The following FRMD6 variants were observed in gnomAD, a reference collection of about 807,000 sequenced individuals.
FRMD6 encodes the protein FERM domain containing 6, also known as FERM domain-containing protein 6.
A neutral mutation model predicts 73.2 loss-of-function variants in FRMD6; 37 were observed. That is an observed-to-expected ratio of 0.51 (90% CI 0.39 to 0.66). The LOEUF (loss-of-function observed/expected upper bound fraction) is 0.66. Ranked by LOEUF, FRMD6 falls within the 30% of genes least tolerant of loss-of-function variation. The pLI, the probability that FRMD6 is intolerant of heterozygous loss-of-function variation, is 0.00. For synonymous variants in FRMD6, 273 were observed against 282.2 expected (o/e 0.97, Z 0.33); for missense variants, 714 against 780.5 (o/e 0.91, Z 1.02).
chr14:51,707,555 T>C (rs1594765176), intron 6 of FRMD6, among the ~76,000 whole-genome samples: 2 of 152,172 alleles, frequency 1.3e-5, no homozygotes, highest in Non-Finnish European at 2.9e-5. Flanking sequence ...ATTCCAGCAG[T>C]GTTCATATCA....
At chr14:51,464,325 C>A in the FRMD6 span, among the ~76,000 whole-genome samples, 61 of 151,908 alleles carry the variant, frequency 4.0e-4, no homozygotes, top group Non-Finnish European at 7.6e-4. Flanking sequence ...AGCAAACCAC[C>A]ATGGCACACA....
At chr14:51,565,560 G>GGGTGAT (rs1240590771) in intron 1 of FRMD6, 2 of 152,306 alleles carry the variant, frequency 1.3e-5, no homozygotes, top group Non-Finnish European at 2.9e-5. Flanking sequence ...TTTTTGATGG[G>GGGTGAT]GGTGATGGTG....
At chr14:51,650,955 C>T (rs1337976619), upstream of FRMD6, 2 of 152,316 alleles carry the variant, frequency 1.3e-5, no homozygotes, top group Admixed American at 6.5e-5. Flanking sequence ...GGTGTCTCTC[C>T]TTTCGTGTGC....
At chr14:51,423,606 G>A in the FRMD6 span, among the ~76,000 whole-genome samples, 3,315 of 152,134 alleles carry the variant, frequency 0.022, 133 homozygotes, top group African/African-American at 0.076. Context: ...AAACTCCCCT[G>A]TCCCATACTC....
chr14:51,572,872 A>G (rs1888204907), intron 2 of FRMD6, among the ~76,000 whole-genome samples: 1 of 152,198 alleles, frequency 6.6e-6, no homozygotes, highest in East Asian at 1.9e-4. Context: ...TTCTATTTCA[A>G]TACATATGTG....
At chr14:51,651,855 TG>T (rs1375106262), upstream of FRMD6, 1 of 3,764 alleles carries the variant, frequency 2.7e-4, no homozygotes, top group Non-Finnish European at 5.9e-4. Flanking sequence ...GAGGCGTGGG[TG>T]GGGGGCGGGG....
intron 10 of FRMD6, among the ~76,000 whole-genome samples, chr14:51,718,184 C>T (rs1206598385): frequency 6.6e-6 from 1 of 152,122 alleles, no homozygotes; most frequent in East Asian, 1.9e-4. Context: ...TCCTAAATGT[C>T]TGGAAAGGGT....
upstream of FRMD6, chr14:51,650,620 C>T (rs1001468827): frequency 5.3e-5 from 8 of 151,766 alleles, no homozygotes; most frequent in African/African-American, 1.9e-4. Context: ...TGGTCTCGAT[C>T]TCCTGACCTC....
intron 1 of FRMD6, among the ~76,000 whole-genome samples, chr14:51,666,894 G>A (rs1893634647): frequency 6.6e-6 from 1 of 152,206 alleles, no homozygotes; most frequent in East Asian, 1.9e-4. Flanking sequence ...CAACACCTCA[G>A]GAGGCTGAGG....
chr14:51,629,547 A>AT (rs1416700294), intron 2 of FRMD6, among the ~76,000 whole-genome samples: 1 of 152,206 alleles, frequency 6.6e-6, no homozygotes, highest in African/African-American at 2.4e-5. Context: ...CTCTTTAATT[A>AT]TACTCATTAA....
chr14:51,442,311 T>C, the FRMD6 span, among the ~76,000 whole-genome samples: 86 of 152,212 alleles, frequency 5.7e-4, 1 homozygote, highest in East Asian at 7.7e-4. Context: ...CCTTTCTCTT[T>C]CTCTTCTCTC....
intron 1 of FRMD6, among the ~76,000 whole-genome samples, chr14:51,684,759 A>T (rs1895036826): frequency 6.6e-6 from 1 of 152,184 alleles, no homozygotes; most frequent in Non-Finnish European, 1.5e-5. Context: ...AAATGTCAGT[A>T]GTGGCAAGTT....
At chr14:51,600,755 T>C (rs1889991454) in intron 2 of FRMD6, among the ~76,000 whole-genome samples, 1 of 152,240 alleles carries the variant, frequency 6.6e-6, no homozygotes, top group African/African-American at 2.4e-5. Flanking sequence ...AAAATGTTTT[T>C]AAAAGTACAG....
chr14:51,539,288 T>C (rs1886077725), intron 1 of FRMD6, among the ~76,000 whole-genome samples: 1 of 151,498 alleles, frequency 6.6e-6, no homozygotes, highest in Admixed American at 6.6e-5. Context: ...CCTCAGTCCA[T>C]GTCTGTCCCT....
the FRMD6 span, among the ~76,000 whole-genome samples, chr14:51,409,797 C>T: frequency 2.0e-5 from 3 of 152,128 alleles, no homozygotes; most frequent in Non-Finnish European, 2.9e-5. Context: ...TAAGGCTTTG[C>T]CATGTTGCCC....
chr14:51,598,302 C>T (rs1889834021), intron 2 of FRMD6, among the ~76,000 whole-genome samples: 2 of 152,184 alleles, frequency 1.3e-5, no homozygotes, highest in African/African-American at 4.8e-5. Flanking sequence ...CCTGCAGAAG[C>T]ACCCCAAGTG....
intron 5 of FRMD6, chr14:51,704,474 A>G (rs1315709884): frequency 2.7e-6 from 1 of 364,398 alleles, no homozygotes; most frequent in African/African-American, 2.0e-5. Context: ...AATGATTCAG[A>G]CCTTTTTCTT....
In FRMD6 at chr14:51,725,823, G is replaced by C; in HGVS notation, c.1537G>C (p.Glu513Gln). ...TGGGTCTTCCACCTCGAGCTCTTCA[G>C]AAACAGTTGTTAAGCTTCGTGGCCA... ...EIGSSTSSSS[E>Q]TVVKLRGQST... Residue 513 changes from glutamate to glutamine, a missense_variant, in exon 13 of 14, where the codon GAA becomes CAA. Physicochemically the swap from Glu to Gln is conservative, Grantham distance 29 (BLOSUM62 2). Coordinates refer to ENST00000344768, the MANE Select transcript of FRMD6 (RefSeq NM_001267046.2). The C allele has an allele frequency of 1.9e-6, 3 of 1,613,968 alleles. No individual in the cohort carries two copies. The highest frequency in any genetic ancestry group is 2.5e-6 in the Non-Finnish European group (3 of 1,179,872).
rs1316743849 is a variant in FRMD6 at position 51,728,017 on chromosome 14, G to A, written c.1857G>A (p.Glu619=). 1.9e-6 allele frequency: 3 copies of A among 1,608,474 alleles called. No individual in the cohort carries two copies. In the African/African-American group the frequency reaches 4.0e-5, roughly 21 times the overall value. The change falls in exon 14 of 14, where the codon GAG becomes GAA. Residue 619 remains glutamate, a synonymous_variant. Transcript: ENST00000344768. ...ATCTCACTCATGATGAAGTTCCAGA[G>A]TTTGTTGTGTAAAGTCCGTCTGTGT... ...SLDLTHDEVP[E]FVV
Sources: allele counts gnomAD v4.1 joint callset (sites outside exome capture counted in the v4.1 genomes callset), GRCh38; gene constraint gnomAD v4.1.1; transcripts MANE v1.5; gene names NCBI Gene and HGNC (gene_info 2026-07-23, HGNC 2026-07-21).